Variants in ACO1 observed in about 807,000 individuals in gnomAD.
The protein encoded by ACO1 is aconitase 1.
ACO1 carries 78 observed loss-of-function variants against 105.1 expected under a neutral mutation model. That is an observed-to-expected ratio of 0.74 (90% confidence interval 0.62 to 0.90). ACO1 has a LOEUF of 0.90. ACO1 is among the 40% of genes least tolerant of loss of function. The pLI is 0.00. For missense variants in ACO1, 965 were observed against 1,111.1 expected, an observed-to-expected ratio of 0.87 and a Z score of 1.87; for synonymous variants, 364 against 397.4, an observed-to-expected ratio of 0.92 and a Z score of 1.00.
chr9:32,427,699 G>A (rs1822131711), intron 12 of ACO1, among the ~76,000 whole-genome samples: 1 of 152,140 alleles, frequency 6.6e-6, no homozygotes, highest in Non-Finnish European at 1.5e-5. Context: ...TGAATGTGAA[G>A]GCCTAGGACA....
chr9:32,389,183 A>T (rs1821214134), intron 1 of ACO1, among the ~76,000 whole-genome samples: 1 of 152,186 alleles, frequency 6.6e-6, no homozygotes, highest in African/African-American at 2.4e-5. Context: ...TTTCCCTGTG[A>T]TTCTGTATTT....
At chr9:32,396,656 G>T (rs950212397) in intron 1 of ACO1, among the ~76,000 whole-genome samples, 2 of 84,740 alleles carry the variant, frequency 2.4e-5, no homozygotes, top group African/African-American at 7.2e-5. Flanking sequence ...TACTGCTTTT[G>T]CCCTGCTTTA....
chr9:32,427,203 G>A, intron 11 of ACO1, 98 bp from the exon 12 acceptor site: 1 of 1,468,002 alleles, frequency 6.8e-7, no homozygotes, highest in South Asian at 1.3e-5. Context: ...GTGGTGGCAG[G>A]AAATGCAGAC....
chr9:32,410,092 TA>T (rs1288698523), intron 4 of ACO1, among the ~76,000 whole-genome samples: 1 of 152,232 alleles, frequency 6.6e-6, no homozygotes, highest in Non-Finnish European at 1.5e-5. Flanking sequence ...TCTCACTCTC[TA>T]AAAGCCTTTG....
intron 4 of ACO1, among the ~76,000 whole-genome samples, chr9:32,409,375 G>A (rs549984022): frequency 2.6e-5 from 4 of 152,270 alleles, no homozygotes; most frequent in African/African-American, 7.2e-5. Context: ...TAAATTGAGT[G>A]ACCTTGAAAT....
At position 32,430,539 on chromosome 9, in the gene ACO1, G is replaced by C; in HGVS notation, c.1691G>C (p.Gly564Ala). ...PPLVIAYAIA[G>A]TIRIDFEKEP... ...TTAGTAATAGCATATGCAATTGCTG[G>C]AACCATCAGAATCGACTTTGAGAAA... Residue 564 changes from glycine to alanine, a missense_variant, in exon 14 of 21, where the codon GGA becomes GCA. Transcript: ENST00000309951. 1 of 1,608,268 alleles carries C rather than the reference G, an allele frequency of 6.2e-7. No homozygotes were observed. Among genetic ancestry groups the C allele is most frequent in the Non-Finnish European group, 8.5e-7 (1 of 1,177,638 alleles).
rs763849839 is a variant in ACO1, at chr9:32,430,487, C to T, written c.1639C>T (p.Arg547Trp). 7 of 1,612,312 alleles carry T rather than the reference C, an allele frequency of 4.3e-6. No individual in the cohort carries two copies. Among genetic ancestry groups the T allele is most frequent in the South Asian group, 1.1e-5 (1 of 90,516 alleles). ...NFEGRVHPNT[R>W]ANYLASPPLV... ...TGAAGGTCGAGTTCACCCCAACACC[C>T]GGGCCAACTATTTAGCCTCTCCCCC... Residue 547 changes from arginine (R) to tryptophan (W), a missense_variant, in exon 14 of 21, where the codon CGG becomes TGG. Transcript: ENST00000309951.
At chr9:32,406,715 C>G (rs1030699060) in intron 2 of ACO1, among the ~76,000 whole-genome samples, 2 of 152,238 alleles carry the variant, frequency 1.3e-5, no homozygotes, top group African/African-American at 4.8e-5. Context: ...GAATCCAGGA[C>G]AAGACAACCA....
chr9:32,444,531 A>T (rs528251988), intron 19 of ACO1, among the ~76,000 whole-genome samples: 1 of 152,154 alleles, frequency 6.6e-6, no homozygotes, highest in South Asian at 2.1e-4. Flanking sequence ...CTGGTGTGAG[A>T]TGGTATCTCA....
chr9:32,449,961 C>T (rs374122018), intron 20 of ACO1, 37 bp from the exon 21 acceptor site: 142 of 1,557,952 alleles, frequency 9.1e-5, no homozygotes, highest in Non-Finnish European at 1.1e-4. Context: ...TGTCTCGCCA[C>T]CTCCCTCAAT....
chr9:32,385,317 T>C (rs550830022), intron 1 of ACO1, among the ~76,000 whole-genome samples: 12 of 152,352 alleles, frequency 7.9e-5, no homozygotes, highest in Non-Finnish European at 1.3e-4. Context: ...CACATCATAA[T>C]GGCATCTTCC....
chr9:32,429,533 G>C, intron 13 of ACO1, 30 bp downstream of exon 13: 1 of 1,582,906 alleles, frequency 6.3e-7, no homozygotes, highest in Non-Finnish European at 8.7e-7. Context: ...CAGGTCTTCA[G>C]AGCAGTTGTT....
chr9:32,450,451 A>C lies in ACO1; in HGVS notation c.*340A>C, dbSNP rs1460354219. 1 of 363,878 alleles carries C rather than the reference A, an allele frequency of 2.7e-6. No homozygotes were observed. The allele number at this position is 363,878 out of a possible 1,614,324, so 22.5% of individuals were successfully genotyped here. A position where few individuals can be genotyped will look rare whatever the true frequency, so the allele number is the denominator to read the frequency against. ...TATTAATCTTCAGCTGAACACAAGC[A>C]AACCTTCTCAGGAGGTGTCTCCTAC... On this transcript the variant is annotated 3_prime_UTR_variant, in exon 21 of 21. Coordinates refer to ENST00000309951, the MANE Select transcript of ACO1 (RefSeq NM_002197.3).
At position 32,405,472 on chromosome 9, in the gene ACO1, C is replaced by G. The variant is rs756857226; in HGVS notation, c.-22-13C>G. 2 of 1,494,840 alleles carry G rather than the reference C, an allele frequency of 1.3e-6. No homozygotes were observed. Among genetic ancestry groups the G allele is most frequent in the Admixed American group, 1.7e-5 (1 of 59,030 alleles). 92.6% of individuals were successfully genotyped at this position (1,494,840 alleles called of 1,614,324 possible). On this transcript the variant is annotated splice_polypyrimidine_tract_variant and intron_variant, in intron 1 of 20. Coordinates refer to ENST00000309951, the MANE Select transcript of ACO1 (RefSeq NM_002197.3). ...CTTAAAAAAAGAATTTAAATGTTCT[C>G]TTTTCTTTTCAGGAACACGTGGCCA...
In ACO1 at chr9:32,407,474, C is replaced by A. The variant is rs200927270; in HGVS notation, c.266+45C>A. The A allele has an allele frequency of 3.4e-4, 535 of 1,560,886 alleles. 2 individuals are homozygous for A. The highest frequency in any genetic ancestry group is 8.8e-5 in the Non-Finnish European group (102 of 1,152,704). ...ACTCTCCTTTGCCTCCCTCATTAGC[C>A]TTTCAAGAAAGTTTTCTTTTAAACA... On this transcript the variant is annotated intron_variant, in intron 3 of 20. Transcript: ENST00000309951.
rs549227427 is a variant in ACO1, at chr9:32,436,056, C to T, written c.2100-194C>T. The T allele has an allele frequency of 4.1e-6, 3 of 731,146 alleles. No homozygotes were observed. The African/African-American group carries it at 5.2e-5, about 13-fold the overall frequency. 45.3% of individuals were successfully genotyped at this position (731,146 alleles called of 1,614,324 possible). A position where few individuals can be genotyped will look rare whatever the true frequency, so the allele number is the denominator to read the frequency against. ...TACTGACTTATGCCTCTCACCACCC[C>T]TTCTCACCTCTCTCTCTTCTCCGTT... is the stretch of plus-strand genomic sequence containing the variant. On this transcript the variant is annotated intron_variant, in intron 17 of 20. Coordinates refer to ENST00000309951, the MANE Select transcript of ACO1 (RefSeq NM_002197.3).
chr9:32,440,555 C>G lies in ACO1; in HGVS notation c.2338C>G (p.Arg780Gly), dbSNP rs545955861. ...CAAAGAGTACGGTGCAGGCAGCTCC[C>G]GAGACTGGGCAGCTAAGGGCCCTTT... ...AGKEYGAGSS[R>G]DWAAKGPFLL... Residue 780 changes from arginine to glycine, a missense_variant, in exon 19 of 21, where the codon CGA becomes GGA. Arg to Gly is a moderately radical substitution (Grantham distance 125). Transcript: ENST00000309951. 1 of 1,613,950 alleles carries G rather than the reference C, an allele frequency of 6.2e-7. No individual in the cohort carries two copies. Among genetic ancestry groups the G allele is most frequent in the Admixed American group, 1.7e-5 (1 of 60,024 alleles).
intron 1 of ACO1, among the ~76,000 whole-genome samples, chr9:32,395,612 A>T (rs1384873295): frequency 1.1e-4 from 17 of 152,192 alleles, no homozygotes; most frequent in Non-Finnish European, 5.9e-5. Flanking sequence ...GAAGGGGCTG[A>T]GGAAGACCTC....
chr9:32,388,410 C>T (rs543593039), intron 1 of ACO1, among the ~76,000 whole-genome samples: 1 of 152,228 alleles, frequency 6.6e-6, no homozygotes, highest in South Asian at 2.1e-4. Context: ...TGGCACATAT[C>T]TGTAGTCCCA....
Sources: allele counts gnomAD v4.1 joint callset (sites outside exome capture counted in the v4.1 genomes callset), GRCh38; gene constraint gnomAD v4.1.1; transcripts MANE v1.5; gene names NCBI Gene and HGNC (gene_info 2026-07-23, HGNC 2026-07-21).